Variants in USP34 observed in about 807,000 individuals in gnomAD.
USP34 encodes ubiquitin carboxyl-terminal hydrolase 34.
Under a neutral mutation model 460.3 loss-of-function variants are expected in USP34, and 70 were observed. The ratio of observed to expected loss-of-function variants is 0.15; its 90% CI spans 0.13 to 0.19. USP34 has a LOEUF of 0.19. USP34 is among the 10% of genes least tolerant of loss of function. USP34 has a pLI of 1.00. For missense variants in USP34, 3,985 were observed against 4,236.2 expected (o/e 0.94, Z 1.65); for synonymous variants, 1,647 against 1,405.3 (o/e 1.17, Z -3.85).
At chr2:61,364,602 G>A (rs998556973) in intron 10 of USP34, among the ~76,000 whole-genome samples, 1 of 152,092 alleles carries the variant, frequency 6.6e-6, no homozygotes, top group African/African-American at 2.4e-5. Flanking sequence ...AAAATAAAAG[G>A]AAAATACAAG....
In USP34 at chr2:61,293,457, C is replaced by T; in HGVS notation, c.4548+7G>A. ...GTAACTAGTTGAAACCATAAATATG[C>T]ACTTACCACAGTCCATGATTCCTGC... On this transcript the variant is annotated splice_region_variant and intron_variant, in intron 33 of 79. Transcript: ENST00000398571. 6.2e-7 allele frequency: 1 copy of T among 1,605,734 alleles called. No homozygotes were observed. The highest frequency in any genetic ancestry group is 1.7e-4 in the Middle Eastern group (1 of 6,028).
At chr2:61,278,658 A>G (rs1463838438) in intron 39 of USP34, among the ~76,000 whole-genome samples, 3 of 152,292 alleles carry the variant, frequency 2.0e-5, no homozygotes, top group Non-Finnish European at 2.9e-5. Context: ...AAAACAATCA[A>G]TGGAATGTTG....
chr2:61,309,730 A>C (rs1330951467), intron 27 of USP34, among the ~76,000 whole-genome samples: 1 of 152,196 alleles, frequency 6.6e-6, no homozygotes, highest in Non-Finnish European at 1.5e-5. Context: ...GATCATGAAG[A>C]GCTTAGAAAA....
intron 6 of USP34, among the ~76,000 whole-genome samples, chr2:61,381,021 G>C (rs868855376): frequency 1.3e-5 from 2 of 152,064 alleles, no homozygotes; most frequent in Non-Finnish European, 2.9e-5. Flanking sequence ...TGCTCGTTAA[G>C]AGTCATCACC....
intron 1 of USP34, among the ~76,000 whole-genome samples, chr2:61,435,665 A>G (rs1011284492): frequency 6.6e-6 from 1 of 152,194 alleles, no homozygotes; most frequent in Non-Finnish European, 1.5e-5. Context: ...ACAATCAATA[A>G]AATGGCAGGA....
At chr2:61,339,807 CATT>C in intron 16 of USP34, 126 bp from the exon 17 acceptor site, 1 of 468,028 alleles carries the variant, frequency 2.1e-6, no homozygotes, top group Middle Eastern at 5.7e-4. Flanking sequence ...AATAAAAACA[CATT>C]AGCACAATAT....
At chr2:61,276,623 C>A (rs977523900) in intron 41 of USP34, among the ~76,000 whole-genome samples, 2 of 151,934 alleles carry the variant, frequency 1.3e-5, no homozygotes, top group African/African-American at 4.8e-5. Context: ...TGCTTTACAA[C>A]GTTATCAGAA....
intron 75 of USP34, among the ~76,000 whole-genome samples, chr2:61,201,804 T>G (rs770050739): frequency 1.3e-5 from 2 of 152,232 alleles, no homozygotes; most frequent in Non-Finnish European, 2.9e-5. Context: ...GTATAAATTA[T>G]ATGAACACAA....
chr2:61,235,943 C>A, intron 56 of USP34, 33 bp from the exon 57 acceptor site: 1 of 1,601,374 alleles, frequency 6.2e-7, no homozygotes. Context: ...AGCATATGAA[C>A]TTCTGAGCCA....
chr2:61,215,217 C>T (rs1687363558), intron 67 of USP34, among the ~76,000 whole-genome samples: 1 of 152,012 alleles, frequency 6.6e-6, no homozygotes, highest in African/African-American at 2.4e-5. Flanking sequence ...TATAAGATTA[C>T]ATATATGCTA....
chr2:61,242,761 T>A (rs909997519), intron 51 of USP34, among the ~76,000 whole-genome samples: 6 of 152,120 alleles, frequency 3.9e-5, no homozygotes, highest in South Asian at 2.1e-4. Flanking sequence ...AGAAAAAATT[T>A]AAAAAGCCAA....
chr2:61,336,720 G>T (rs979636591), intron 18 of USP34, among the ~76,000 whole-genome samples: 1 of 142,136 alleles, frequency 7.0e-6, no homozygotes, highest in Non-Finnish European at 1.5e-5. Flanking sequence ...TGAGGCAGGA[G>T]AATCACTTGA....
chr2:61,387,958 C>CACACACACAT (rs879826315), intron 5 of USP34, among the ~76,000 whole-genome samples: 1 of 129,774 alleles, frequency 7.7e-6, no homozygotes, highest in South Asian at 2.2e-4. Context: ...CACACACACA[C>CACACACACAT]ATATATATAT....
chr2:61,363,170 C>T (rs952217905), intron 10 of USP34, among the ~76,000 whole-genome samples: 7 of 152,128 alleles, frequency 4.6e-5, no homozygotes, highest in African/African-American at 1.4e-4. Flanking sequence ...AAATTCACAC[C>T]TACTAGGATA....
At chr2:61,253,449 G>A (rs1688639999) in intron 48 of USP34, among the ~76,000 whole-genome samples, 1 of 152,104 alleles carries the variant, frequency 6.6e-6, no homozygotes, top group East Asian at 1.9e-4. Flanking sequence ...ACTCTCATCA[G>A]ATGAGTTTGT....
chr2:61,257,471 T>A, intron 44 of USP34, 121 bp from the exon 45 acceptor site: 1 of 699,324 alleles, frequency 1.4e-6, no homozygotes. Context: ...TAGTTTTAAA[T>A]GGTTGCTTCT....
At chr2:61,277,555 T>C (rs1327278493) in intron 41 of USP34, 1 of 152,510 alleles carries the variant, frequency 6.6e-6, no homozygotes, top group East Asian at 1.9e-4. Flanking sequence ...CCTTTCTATA[T>C]TCAGTCAGTC....
At chr2:61,469,959 T>A (rs922106376) in intron 1 of USP34, among the ~76,000 whole-genome samples, 1 of 152,320 alleles carries the variant, frequency 6.6e-6, no homozygotes, top group Admixed American at 6.5e-5. Flanking sequence ...AGATAGGCCA[T>A]AACTATCCCG....
At chr2:61,467,185 C>T (rs1695795681) in intron 1 of USP34, among the ~76,000 whole-genome samples, 1 of 151,976 alleles carries the variant, frequency 6.6e-6, no homozygotes. Flanking sequence ...TGCCTGTAAT[C>T]CCAGCCACTT....
Sources: gnomAD v4.1 joint callset for allele counts (sites outside exome capture counted in the v4.1 genomes callset) on GRCh38, gnomAD v4.1.1 for gene constraint, MANE v1.5 for transcripts, NCBI Gene and HGNC (gene_info 2026-07-23, HGNC 2026-07-21) for gene names.